The following AHI1 variants were observed in gnomAD, a reference collection of about 807,000 sequenced individuals.
The protein encoded by AHI1 is Abelson helper integration site 1, also known as jouberin.
A neutral mutation model predicts 149.3 loss-of-function variants in AHI1; 123 were observed. The observed-to-expected ratio is 0.82, with a 90% CI of 0.71 to 0.96. The LOEUF is 0.96. Among genes scored for constraint, AHI1 ranks in the 40% least tolerant of loss-of-function variants. The pLI, the probability that AHI1 is intolerant of heterozygous loss-of-function variation, is 0.00. For synonymous variants in AHI1, 475 were observed against 459.8 expected (o/e 1.03, Z -0.42); for missense variants, 1,439 against 1,422.7 (o/e 1.01, Z -0.18).
chr6:135,438,987 A>T (rs1785841961), intron 14 of AHI1, among the ~76,000 whole-genome samples: 1 of 152,216 alleles, frequency 6.6e-6, no homozygotes, highest in African/African-American at 2.4e-5. Flanking sequence ...TATGGGAATT[A>T]ACAATGACTC....
At chr6:135,421,603 G>A (rs1336895717) in intron 20 of AHI1, among the ~76,000 whole-genome samples, 1 of 151,890 alleles carries the variant, frequency 6.6e-6, no homozygotes, top group East Asian at 1.9e-4. Context: ...AGTCTTTGTT[G>A]TTGTCTATTT....
At chr6:135,290,089 CCT>C (rs1450577776) in intron 28 of AHI1, among the ~76,000 whole-genome samples, 4 of 152,080 alleles carry the variant, frequency 2.6e-5, no homozygotes, top group Non-Finnish European at 5.9e-5. Context: ...TTGTCATTCC[CCT>C]CTTTATAAAG....
chr6:135,324,218 T>C (rs1309780244), intron 24 of AHI1, among the ~76,000 whole-genome samples: 2 of 152,042 alleles, frequency 1.3e-5, no homozygotes, highest in Non-Finnish European at 2.9e-5. Flanking sequence ...GTCCTAGCAC[T>C]CAGGAGGCTG....
rs766052712 is a variant in AHI1 at position 135,490,715 on chromosome 6, G to T, written c.43C>A (p.Arg15Ser). The change falls in exon 5 of 29, where the codon CGC becomes AGC. Residue 15 changes from arginine (R) to serine (S), a missense_variant. Arg to Ser is a moderately radical substitution (Grantham distance 110, BLOSUM62 -1). Transcript: ENST00000265602. ...ESEAKVKTKV[R>S]FEELLKTHSD... ...TGGGTCTTAAGCAATTCTTCAAAGC[G>T]AACTTTGGTTTTTACTTTTGCTTCA... 2.5e-6 allele frequency: 4 copies of T among 1,612,602 alleles called. No individual in the cohort carries two copies. The Admixed American group carries it at 5.0e-5, about 20-fold the overall frequency.
intron 8 of AHI1, among the ~76,000 whole-genome samples, chr6:135,460,663 A>G (rs1169530113): frequency 2.6e-5 from 4 of 152,330 alleles, no homozygotes; most frequent in South Asian, 4.1e-4. Flanking sequence ...AACCTAGAGT[A>G]TAATACTAAA....
chr6:135,470,017 G>C (rs752971024), intron 5 of AHI1, among the ~76,000 whole-genome samples: 57 of 152,150 alleles, frequency 3.7e-4, no homozygotes, highest in Non-Finnish European at 2.2e-4. Flanking sequence ...ACTATCATCA[G>C]AATGAACAGA....
chr6:135,457,021 G>A (rs111723846), intron 9 of AHI1, among the ~76,000 whole-genome samples: 1 of 152,054 alleles, frequency 6.6e-6, no homozygotes, highest in Admixed American at 6.6e-5. Flanking sequence ...AGCCAGGCAC[G>A]GTGGGTCATG....
rs1781458768 is a variant in AHI1, at chr6:135,283,713, C to T, written c.*1932G>A. 6.6e-6 allele frequency: 1 copy of T among 152,096 alleles called. No individual in the cohort carries two copies. The allele number at this position is 152,096 out of a possible 1,614,324, so 9.4% of individuals were successfully genotyped here. On this transcript the variant is annotated 3_prime_UTR_variant, in exon 29 of 29. Coordinates refer to ENST00000265602, the MANE Select transcript of AHI1 (RefSeq NM_001134831.2). ...TATTAATCTATTCATGAACATAACC[C>T]TAGTCTTACTTTGTCAGCGAGACAA...
At chr6:135,449,294 C>T (rs1787730034) in intron 11 of AHI1, among the ~76,000 whole-genome samples, 1 of 152,140 alleles carries the variant, frequency 6.6e-6, no homozygotes, top group Non-Finnish European at 1.5e-5. Flanking sequence ...AGGTGATCTG[C>T]CCACCTCGGC....
chr6:135,422,133 G>A (rs79796039), intron 20 of AHI1, among the ~76,000 whole-genome samples: 6 of 152,118 alleles, frequency 3.9e-5, no homozygotes, highest in African/African-American at 1.2e-4. Flanking sequence ...CCACTACATC[G>A]TATCTATATT....
chr6:135,471,550 G>T (rs1246215172), intron 5 of AHI1, among the ~76,000 whole-genome samples: 1 of 151,750 alleles, frequency 6.6e-6, no homozygotes, highest in Non-Finnish European at 1.5e-5. Context: ...TCTCCTTTGT[G>T]GAATTCAGCA....
At chr6:135,417,730 A>G (rs1487281417) in intron 20 of AHI1, among the ~76,000 whole-genome samples, 1 of 151,980 alleles carries the variant, frequency 6.6e-6, no homozygotes, top group Non-Finnish European at 1.5e-5. Context: ...TATCTTTAAC[A>G]CCTTTAGTTC....
At chr6:135,371,430 A>G (rs905186274) in intron 23 of AHI1, among the ~76,000 whole-genome samples, 2 of 152,100 alleles carry the variant, frequency 1.3e-5, no homozygotes, top group African/African-American at 4.8e-5. Context: ...GAAGCTTGTG[A>G]TATTTTTCCT....
intron 5 of AHI1, among the ~76,000 whole-genome samples, chr6:135,474,068 T>TGTA (rs1792189781): frequency 6.6e-6 from 1 of 152,218 alleles, no homozygotes; most frequent in Admixed American, 6.5e-5. Context: ...TTTGCACAAC[T>TGTA]GTAGGCTAAT....
At chr6:135,311,103 A>G (rs762893613) in intron 26 of AHI1, among the ~76,000 whole-genome samples, 3 of 152,012 alleles carry the variant, frequency 2.0e-5, no homozygotes, top group Non-Finnish European at 4.4e-5. Context: ...GGAGTTTGAG[A>G]TCAGCCTGGC....
At chr6:135,347,253 TAC>T (rs1791371743) in intron 24 of AHI1, among the ~76,000 whole-genome samples, 2 of 152,328 alleles carry the variant, frequency 1.3e-5, no homozygotes, top group Non-Finnish European at 2.9e-5. Flanking sequence ...CATTGAAAGT[TAC>T]AGTTATATTA....
At chr6:135,465,784 G>A (rs1790644962) in intron 7 of AHI1, 30 bp downstream of exon 7, 2 of 1,423,966 alleles carry the variant, frequency 1.4e-6, no homozygotes, top group Non-Finnish European at 9.2e-7. Flanking sequence ...TTTCTAAGAG[G>A]ATATTTTACA....
rs999633975 is a variant in AHI1 at position 135,400,522 on chromosome 6, A to C, written c.2988+4429T>G. On this transcript the variant is annotated intron_variant, in intron 22 of 28. Transcript: ENST00000265602. ...AGCTTACAGAGGTGTGTGGAGGGAC[A>C]GATACATAAAGATTAGAAGCGAAAG... is the stretch of plus-strand genomic sequence containing the variant. 3.3e-5 allele frequency among the ~76,000 whole-genome samples: 5 copies of C among 152,304 alleles called. No homozygotes were observed. In the South Asian group the frequency reaches 1.0e-3, roughly 32 times the overall value.
chr6:135,411,285 G>T, intron 21 of AHI1, 63 bp downstream of exon 21: 2 of 1,413,998 alleles, frequency 1.4e-6, no homozygotes, highest in South Asian at 1.2e-5. Context: ...ATATTTATTG[G>T]CATGGCAATG....
Sources: allele counts gnomAD v4.1 joint callset (sites outside exome capture counted in the v4.1 genomes callset), GRCh38; gene constraint gnomAD v4.1.1; transcripts MANE v1.5; gene names NCBI Gene and HGNC (gene_info 2026-07-23, HGNC 2026-07-21).